Variants in DPP10 observed in about 807,000 individuals in gnomAD.
DPP10 encodes the protein inactive dipeptidyl peptidase 10.
A neutral mutation model predicts 120.9 loss-of-function variants in DPP10; 33 were observed. The ratio of observed to expected loss-of-function variants is 0.27; its 90% CI spans 0.21 to 0.37. The LOEUF is 0.37. Ranked by LOEUF, DPP10 falls within the 10% of genes least tolerant of loss-of-function variation. The pLI, the probability that DPP10 is intolerant of heterozygous loss-of-function variation, is 1.00. For synonymous variants in DPP10, 337 were observed against 326.1 expected, an observed-to-expected ratio of 1.03 and a Z score of -0.36; for missense variants, 816 against 942.8, an observed-to-expected ratio of 0.87 and a Z score of 1.76.
intron 1 of DPP10, among the ~76,000 whole-genome samples, chr2:114,618,430 T>C (rs1337830551): frequency 6.6e-6 from 1 of 151,972 alleles, no homozygotes; most frequent in Non-Finnish European, 1.5e-5. Flanking sequence ...AGATGAAAAG[T>C]TGTGGTTACC....
At position 114,497,266 on chromosome 2, in the gene DPP10, CAT is replaced by C. The variant is rs1682665672; in HGVS notation, c.60+54429_60+54430del. ...ATGTGTATGCATGTACGTGTGTATA[CAT>C]GTACATGTATACGTGTATACATGTA... On this transcript the variant is annotated intron_variant, in intron 1 of 25. Coordinates refer to ENST00000410059, the MANE Select transcript of DPP10 (RefSeq NM_020868.6). 1.4e-4 allele frequency among the ~76,000 whole-genome samples: 7 copies of C among 51,416 alleles called. No homozygotes were observed. In the South Asian group the frequency reaches 3.5e-3, roughly 26 times the overall value. 33.7% of individuals were successfully genotyped at this position (51,416 alleles called of 152,430 possible). A position where few individuals can be genotyped will look rare whatever the true frequency, so the allele number is the denominator to read the frequency against.
At chr2:114,934,625 T>C (rs530984420) in intron 1 of DPP10, among the ~76,000 whole-genome samples, 1 of 150,448 alleles carries the variant, frequency 6.6e-6, no homozygotes, top group Admixed American at 6.6e-5. Context: ...TCTGTGTGCG[T>C]GTGTGTGTGT....
chr2:115,619,119 G>GT (rs11409177), intron 5 of DPP10, among the ~76,000 whole-genome samples: 25,099 of 84,346 alleles, frequency 0.3, 3,991 homozygotes, highest in African/African-American at 0.55. Context: ...ATCATTTGTA[G>GT]TTTTTTTTTT....
intron 1 of DPP10, among the ~76,000 whole-genome samples, chr2:114,753,908 CAAA>C (rs777798352): frequency 0.097 from 3,171 of 32,826 alleles, 21 homozygotes; most frequent in South Asian, 0.15. Flanking sequence ...GACTCCTTCT[CAAA>C]AAAAAAAAAA....
chr2:114,810,989 C>A (rs188349904), intron 1 of DPP10, among the ~76,000 whole-genome samples: 24 of 152,294 alleles, frequency 1.6e-4, no homozygotes, highest in Admixed American at 8.5e-4. Context: ...AAATGATTGT[C>A]ACCACCTGTT....
chr2:114,565,604 A>C (rs1282588300), intron 1 of DPP10, among the ~76,000 whole-genome samples: 1 of 152,226 alleles, frequency 6.6e-6, no homozygotes, highest in Non-Finnish European at 1.5e-5. Context: ...GAAAACAGAC[A>C]TGGAAACTGG....
intron 1 of DPP10, among the ~76,000 whole-genome samples, chr2:115,234,193 C>G (rs141037574): frequency 1.8e-4 from 28 of 152,222 alleles, no homozygotes; most frequent in African/African-American, 5.5e-4. Flanking sequence ...CAAGTTGGCT[C>G]TCTCTCCCTC....
At chr2:115,174,810 C>T (rs2053588848) in intron 1 of DPP10, among the ~76,000 whole-genome samples, 1 of 152,138 alleles carries the variant, frequency 6.6e-6, no homozygotes, top group Non-Finnish European at 1.5e-5. Context: ...TTTCTGTAAA[C>T]CCTGTGGAGC....
intron 1 of DPP10, among the ~76,000 whole-genome samples, chr2:114,986,925 C>T (rs1031878688): frequency 1.3e-5 from 2 of 152,094 alleles, no homozygotes; most frequent in Admixed American, 1.3e-4. Context: ...GCACACACCA[C>T]CATGACTGGC....
intron 1 of DPP10, among the ~76,000 whole-genome samples, chr2:115,121,961 T>A (rs987081345): frequency 6.6e-6 from 1 of 152,190 alleles, no homozygotes; most frequent in Non-Finnish European, 1.5e-5. Context: ...GGATCAAAAT[T>A]TTCCCAGGTT....
intron 1 of DPP10, among the ~76,000 whole-genome samples, chr2:115,154,330 G>A (rs1487026763): frequency 6.6e-6 from 1 of 152,126 alleles, no homozygotes; most frequent in African/African-American, 2.4e-5. Context: ...TTCATAACAC[G>A]TAGTACCTGC....
chr2:114,940,182 G>A (rs1282749692), intron 1 of DPP10, among the ~76,000 whole-genome samples: 2 of 152,098 alleles, frequency 1.3e-5, no homozygotes, highest in Admixed American at 6.6e-5. Context: ...ATAATCGAAG[G>A]TTAATGCACA....
intron 3 of DPP10, among the ~76,000 whole-genome samples, chr2:115,469,884 G>GGAAAAAAAA (rs1558709609): frequency 4.0e-5 from 3 of 75,550 alleles, no homozygotes; most frequent in Non-Finnish European, 8.4e-5. Flanking sequence ...GGCAACAAGA[G>GGAAAAAAAA]AAAAAAAAAA....
At chr2:114,760,853 TAGTC>T (rs1002731669) in intron 1 of DPP10, among the ~76,000 whole-genome samples, 408 of 152,246 alleles carry the variant, frequency 2.7e-3, no homozygotes, top group African/African-American at 9.4e-3. Flanking sequence ...TACTTGGAAA[TAGTC>T]AAGAAACTCT....
At chr2:115,603,283 AAGGATCTGTGAATTGTGACT>A (rs1227481981) in intron 5 of DPP10, among the ~76,000 whole-genome samples, 1 of 151,758 alleles carries the variant, frequency 6.6e-6, no homozygotes, top group Non-Finnish European at 1.5e-5. Flanking sequence ...AGTTGGTGAC[AAGGATCTGTGAATTGTGACT>A]TGGAACAGGT....
intron 1 of DPP10, among the ~76,000 whole-genome samples, chr2:115,056,314 G>T (rs1705905732): frequency 6.6e-6 from 1 of 152,126 alleles, no homozygotes; most frequent in African/African-American, 2.4e-5. Flanking sequence ...ATTATGTGTA[G>T]GGTCTGGTAA....
Position 114,772,593 on chromosome 2 carries a change from G to A in DPP10, c.60+329755G>A, listed in dbSNP as rs142226598. Among the ~76,000 whole-genome samples the A allele has an allele frequency of 4.6e-3, 703 of 151,920 alleles. 1 individual carries two copies. The highest frequency in any genetic ancestry group is 9.3e-3 in the African/African-American group (385 of 41,410). The stretch of plus-strand genomic sequence containing the variant: ...CATTTACAGTATAGGAACTTTCTCC[G>A]TAATTATTGTACTTTGAGGATTAAT... On this transcript the variant is annotated intron_variant, in intron 1 of 25. Transcript: ENST00000410059.
chr2:115,303,943 T>A (rs1053471398), intron 1 of DPP10, among the ~76,000 whole-genome samples: 9 of 152,078 alleles, frequency 5.9e-5, no homozygotes, highest in Non-Finnish European at 8.8e-5. Flanking sequence ...ATTCCAGGTA[T>A]CTTTTAAAGT....
intron 3 of DPP10, among the ~76,000 whole-genome samples, chr2:115,411,833 A>C (rs1212721197): frequency 6.6e-6 from 1 of 152,216 alleles, no homozygotes; most frequent in Non-Finnish European, 1.5e-5. Context: ...GAATGGTTAA[A>C]TCATGAAAAT....
Sources: gnomAD v4.1 joint callset for allele counts (sites outside exome capture counted in the v4.1 genomes callset) on GRCh38, gnomAD v4.1.1 for gene constraint, MANE v1.5 for transcripts, NCBI Gene and HGNC (gene_info 2026-07-23, HGNC 2026-07-21) for gene names.